CFAP54: variants seen among roughly 807,000 people sequenced by gnomAD.
CFAP54 encodes cilia- and flagella-associated protein 54.
CFAP54 carries 290 observed loss-of-function variants against 370.4 expected under a neutral mutation model. The observed-to-expected ratio is 0.78, with a 90% CI of 0.71 to 0.86. The LOEUF is 0.86. Among genes scored for constraint, CFAP54 ranks in the 40% least tolerant of loss-of-function variants. CFAP54 has a pLI of 0.00. For missense variants in CFAP54, 3,399 were observed against 3,528.7 expected (o/e 0.96, Z 0.93); for synonymous variants, 1,206 against 1,236.5 (o/e 0.98, Z 0.52).
At chr12:96,698,076 T>C (rs1000274149) in intron 45 of CFAP54, among the ~76,000 whole-genome samples, 2 of 152,174 alleles carry the variant, frequency 1.3e-5, no homozygotes, top group African/African-American at 4.8e-5. Flanking sequence ...GTCTTGAAAA[T>C]AGCATTTGTG....
chr12:96,503,909 A>G lies in CFAP54; in HGVS notation c.447A>G (p.Gln149=). ...AGGAATACAAACTGGCCCTTTTACAATGCTATGGAAGATATCTTCAGCAGT... is the reference window on the plus strand; with the variant it reads ...AGGAATACAAACTGGCCCTTTTACAGTGCTATGGAAGATATCTTCAGCAGT... The part of the protein sequence containing the change: ...QMKEYKLALL[Q]CYGRYLQQFN... The change falls in exon 3 of 68, where the codon CAA becomes CAG. Residue 149 remains glutamine (Q), a synonymous_variant. Transcript: ENST00000524981. 4 of 1,504,676 alleles carry G rather than the reference A, an allele frequency of 2.7e-6. No homozygotes were observed. The highest frequency in any genetic ancestry group is 3.5e-6 in the Non-Finnish European group (4 of 1,135,148). 93.2% of individuals were successfully genotyped at this position (1,504,676 alleles called of 1,614,324 possible). A position where few individuals can be genotyped will look rare whatever the true frequency, so the allele number is the denominator to read the frequency against.
chr12:96,661,801 C>T (rs1956997372), intron 38 of CFAP54, among the ~76,000 whole-genome samples: 1 of 152,172 alleles, frequency 6.6e-6, no homozygotes, highest in East Asian at 1.9e-4. Flanking sequence ...CATAGTTTAG[C>T]CCTAACCAAG....
intron 26 of CFAP54, among the ~76,000 whole-genome samples, chr12:96,615,508 A>T (rs1299991804): frequency 6.6e-6 from 1 of 152,176 alleles, no homozygotes; most frequent in Non-Finnish European, 1.5e-5. Context: ...CAAAATTGAC[A>T]AATGGGATCT....
chr12:96,559,243 A>C (rs561077291), intron 17 of CFAP54, among the ~76,000 whole-genome samples: 73 of 152,236 alleles, frequency 4.8e-4, no homozygotes, highest in African/African-American at 1.6e-3. Context: ...TACATTTAAA[A>C]ATAACTAGAA....
At chr12:96,674,998 A>G (rs1957189337) in intron 39 of CFAP54, among the ~76,000 whole-genome samples, 1 of 152,194 alleles carries the variant, frequency 6.6e-6, no homozygotes, top group African/African-American at 2.4e-5. Flanking sequence ...AAGAAAACCT[A>G]GGCAATACCA....
intron 9 of CFAP54, among the ~76,000 whole-genome samples, chr12:96,531,777 T>G (rs1291666154): frequency 2.0e-5 from 3 of 152,212 alleles, no homozygotes; most frequent in Non-Finnish European, 2.9e-5. Context: ...TGGGCTGGAG[T>G]GCAGTGGCAC....
At chr12:96,682,174 A>G (rs1441789230) in intron 40 of CFAP54, 12 of 985,258 alleles carry the variant, frequency 1.2e-5, no homozygotes, top group Non-Finnish European at 1.3e-5. Context: ...TTCAAAATGT[A>G]CTTCTGGAAA....
At chr12:96,868,690 A>T (rs1012136113) in intron 67 of CFAP54, among the ~76,000 whole-genome samples, 1 of 152,192 alleles carries the variant, frequency 6.6e-6, no homozygotes, top group Non-Finnish European at 1.5e-5. Context: ...CCAGACAAGA[A>T]CAATTAGGCA....
chr12:96,811,004 G>A (rs538860960), intron 63 of CFAP54, among the ~76,000 whole-genome samples: 1 of 152,174 alleles, frequency 6.6e-6, no homozygotes, highest in African/African-American at 2.4e-5. Flanking sequence ...AGTTTCTAAG[G>A]CCTTCTAACG....
At chr12:96,789,974 C>G (rs1039280906) in intron 62 of CFAP54, among the ~76,000 whole-genome samples, 12 of 151,746 alleles carry the variant, frequency 7.9e-5, no homozygotes, top group Non-Finnish European at 1.6e-4. Flanking sequence ...GAGGCTATTT[C>G]AATCAAACTC....
At chr12:96,556,970 G>A (rs997898316) in intron 17 of CFAP54, among the ~76,000 whole-genome samples, 1 of 152,078 alleles carries the variant, frequency 6.6e-6, no homozygotes, top group Non-Finnish European at 1.5e-5. Context: ...TCATACCTGG[G>A]TAACAAAATA....
At chr12:96,646,035 C>T (rs918475072) in intron 33 of CFAP54, 4 of 152,134 alleles carry the variant, frequency 2.6e-5, no homozygotes, top group Non-Finnish European at 4.4e-5. Context: ...AGGACATAGG[C>T]ATGGGCAAGG....
intron 60 of CFAP54, among the ~76,000 whole-genome samples, chr12:96,767,574 T>C (rs1245438270): frequency 2.0e-5 from 3 of 152,216 alleles, no homozygotes; most frequent in Admixed American, 2.0e-4. Flanking sequence ...TTAAGAATAA[T>C]AATTTTGCCT....
At chr12:96,505,877 C>T (rs1955094392) in intron 3 of CFAP54, among the ~76,000 whole-genome samples, 1 of 152,146 alleles carries the variant, frequency 6.6e-6, no homozygotes, top group Admixed American at 6.6e-5. Flanking sequence ...TGTTTTCCCT[C>T]CTCTAAGAGC....
At chr12:96,544,538 T>A (rs1159213381) in intron 14 of CFAP54, among the ~76,000 whole-genome samples, 3 of 152,070 alleles carry the variant, frequency 2.0e-5, no homozygotes, top group African/African-American at 7.2e-5. Context: ...TGCCTCTCTG[T>A]CTTCGAGCTG....
intron 9 of CFAP54, among the ~76,000 whole-genome samples, chr12:96,532,840 C>T (rs185446930): frequency 8.1e-4 from 124 of 152,150 alleles, no homozygotes; most frequent in African/African-American, 2.9e-3. Flanking sequence ...AGGCTGGTCT[C>T]GAACTCCTGG....
chr12:96,708,784 A>G lies in CFAP54; in HGVS notation c.6705A>G (p.Pro2235=), dbSNP rs1957574750. The change falls in exon 48 of 68, where the codon CCA becomes CCG. Residue 2235 remains proline (P), a synonymous_variant. Transcript: ENST00000524981. Reference sequence around the variant, plus strand: ...CAGTAATTACCAACAAGAGCAAACCAAACCTACCAAACTTGGAAGGTAATT... The same window carrying G: ...CAGTAATTACCAACAAGAGCAAACCGAACCTACCAAACTTGGAAGGTAATT... The part of the protein sequence containing the change: ...FKTVITNKSK[P]NLPNLEEIYS... 1.9e-6 allele frequency: 3 copies of G among 1,595,150 alleles called. No individual in the cohort carries two copies. The highest frequency in any genetic ancestry group is 2.6e-6 in the Non-Finnish European group (3 of 1,171,280).
chr12:96,745,738 A>AT (rs1022882614), intron 55 of CFAP54, among the ~76,000 whole-genome samples: 5 of 152,108 alleles, frequency 3.3e-5, no homozygotes, highest in South Asian at 2.1e-4. Context: ...GGTGATATTC[A>AT]TTTTTTTTGG....
intron 47 of CFAP54, among the ~76,000 whole-genome samples, chr12:96,707,905 G>T (rs1592718587): frequency 6.6e-6 from 1 of 152,028 alleles, no homozygotes; most frequent in South Asian, 2.1e-4. Context: ...GGCGCAAAAT[G>T]GTTGTCTAAG....
Sources: allele counts gnomAD v4.1 joint callset (sites outside exome capture counted in the v4.1 genomes callset), GRCh38; gene constraint gnomAD v4.1.1; transcripts MANE v1.5; gene names NCBI Gene and HGNC (gene_info 2026-07-23, HGNC 2026-07-21).